The following DLG2 variants were observed in gnomAD, a reference collection of about 807,000 sequenced individuals.
DLG2 encodes discs large MAGUK scaffold protein 2, also known as disks large homolog 2.
In DLG2, 45 loss-of-function variants were observed where a neutral mutation model predicts 132.5. That is an observed-to-expected ratio of 0.34 (90% CI 0.27 to 0.44). DLG2 has a LOEUF of 0.44. Among genes scored for constraint, DLG2 ranks in the 20% least tolerant of loss-of-function variants. DLG2 has a pLI of 1.00. For missense variants in DLG2, 1,045 were observed against 1,196.9 expected (o/e 0.87, Z 1.87); for synonymous variants, 424 against 419.6 (o/e 1.01, Z -0.13).
chr11:84,300,013 T>C (rs1470278494), intron 7 of DLG2, among the ~76,000 whole-genome samples: 2 of 152,088 alleles, frequency 1.3e-5, no homozygotes, highest in Admixed American at 6.5e-5. Context: ...TAAAATGTTA[T>C]ACAATCAAAA....
intron 6 of DLG2, among the ~76,000 whole-genome samples, chr11:84,776,302 C>G (rs919614512): frequency 3.9e-5 from 6 of 152,066 alleles, no homozygotes; most frequent in Admixed American, 3.9e-4. Context: ...CAGGCACACA[C>G]GACCATGCCT....
chr11:83,914,761 A>G (rs1433695979), intron 15 of DLG2, among the ~76,000 whole-genome samples: 1 of 152,186 alleles, frequency 6.6e-6, no homozygotes, highest in Admixed American at 6.5e-5. Context: ...AACAGGAGAC[A>G]ACAATCTGAA....
intron 22 of DLG2, among the ~76,000 whole-genome samples, chr11:83,477,989 CT>C (rs2092755403): frequency 6.6e-6 from 1 of 152,052 alleles, no homozygotes; most frequent in Non-Finnish European, 1.5e-5. Context: ...CTGAAACTAC[CT>C]CTTATGCTCC....
At chr11:83,535,501 GTC>G (rs1250068565) in intron 20 of DLG2, among the ~76,000 whole-genome samples, 1 of 152,040 alleles carries the variant, frequency 6.6e-6, no homozygotes, top group Non-Finnish European at 1.5e-5. Flanking sequence ...CTTGAGAAAT[GTC>G]TCTGTTAGGA....
chr11:84,167,089 A>G, intron 8 of DLG2: 1 of 499,616 alleles, frequency 2.0e-6, no homozygotes. Context: ...CAGAGGATTG[A>G]CATTTTCATA....
chr11:85,403,486 T>A (rs1022473259), intron 3 of DLG2, among the ~76,000 whole-genome samples: 8 of 151,758 alleles, frequency 5.3e-5, no homozygotes, highest in African/African-American at 1.7e-4. Flanking sequence ...ACTTAAAGTA[T>A]AATAAAAAAA....
chr11:84,419,888 A>G lies in DLG2; in HGVS notation c.519+114682T>C, dbSNP rs76182896. ...TGGCTCTATCAGGCAATACCTTCAC[A>G]TTCTGGAAGAATCAACTACCTCTTT... is the stretch of plus-strand genomic sequence containing the variant. On this transcript the variant is annotated intron_variant, in intron 7 of 27. Transcript: ENST00000376104. 5.1e-3 allele frequency among the ~76,000 whole-genome samples: 782 copies of G among 152,348 alleles called. 8 individuals carry two copies. Among genetic ancestry groups the G allele is most frequent in the African/African-American group, 0.018 (731 of 41,586 alleles).
At chr11:84,121,541 A>ATTTTTTTTTTTTTTTTTTTT (rs869183421) in intron 9 of DLG2, among the ~76,000 whole-genome samples, 4 of 66,670 alleles carry the variant, frequency 6.0e-5, no homozygotes, top group Non-Finnish European at 1.1e-4. Context: ...TTCCTTGCTA[A>ATTTTTTTTTTTTTTTTTTTT]TTTTTTTTTT....
intron 14 of DLG2, among the ~76,000 whole-genome samples, chr11:83,945,848 T>TC (rs2083734264): frequency 1.0e-5 from 1 of 95,534 alleles, no homozygotes; most frequent in Non-Finnish European, 2.4e-5. Context: ...GTGTGTGTTT[T>TC]CTAATGTGCT....
intron 6 of DLG2, among the ~76,000 whole-genome samples, chr11:84,669,163 TG>T (rs1001964617): frequency 6.6e-6 from 1 of 151,874 alleles, no homozygotes; most frequent in Non-Finnish European, 1.5e-5. Flanking sequence ...GCTTGGTGGT[TG>T]GGGGGAATAA....
chr11:85,370,905 T>C (rs1301751696), intron 3 of DLG2, among the ~76,000 whole-genome samples: 1 of 152,186 alleles, frequency 6.6e-6, no homozygotes. Flanking sequence ...TCCAGAATTG[T>C]ATGGGATTTC....
At chr11:83,737,977 C>T (rs1434316801) in intron 18 of DLG2, among the ~76,000 whole-genome samples, 1 of 152,136 alleles carries the variant, frequency 6.6e-6, no homozygotes, top group Non-Finnish European at 1.5e-5. Flanking sequence ...TTGCTCTCCT[C>T]CCTCTCCTCT....
chr11:84,136,360 T>C (rs2154228140), intron 9 of DLG2, among the ~76,000 whole-genome samples: 1 of 152,308 alleles, frequency 6.6e-6, no homozygotes, highest in South Asian at 2.1e-4. Flanking sequence ...TCTTTTGTTT[T>C]CCTATTTTGA....
At chr11:84,069,544 A>T (rs999222654) in intron 10 of DLG2, among the ~76,000 whole-genome samples, 3 of 152,168 alleles carry the variant, frequency 2.0e-5, no homozygotes, top group Non-Finnish European at 4.4e-5. Flanking sequence ...TTCCACATTT[A>T]AAAAATAGGG....
intron 18 of DLG2, among the ~76,000 whole-genome samples, chr11:83,738,755 A>C (rs1318760903): frequency 6.6e-6 from 1 of 152,026 alleles, no homozygotes; most frequent in East Asian, 1.9e-4. Context: ...CTTCCTACAC[A>C]CCTCTCATAT....
At chr11:85,584,877 A>G (rs2078863726) in intron 3 of DLG2, among the ~76,000 whole-genome samples, 1 of 152,032 alleles carries the variant, frequency 6.6e-6, no homozygotes. Context: ...ATTTGTTTTC[A>G]TTCCCTGTAG....
At chr11:84,632,973 C>A (rs2099634604) in intron 6 of DLG2, among the ~76,000 whole-genome samples, 1 of 152,142 alleles carries the variant, frequency 6.6e-6, no homozygotes, top group Admixed American at 6.5e-5. Context: ...TTGAGCAATT[C>A]CATAGCTTTT....
intron 18 of DLG2, among the ~76,000 whole-genome samples, chr11:83,777,406 A>G (rs111569522): frequency 2.0e-5 from 3 of 152,344 alleles, no homozygotes; most frequent in African/African-American, 7.2e-5. Context: ...TTTCCACCCT[A>G]AAGCTGCCAC....
intron 15 of DLG2, among the ~76,000 whole-genome samples, chr11:83,925,847 C>A (rs1009113689): frequency 6.6e-6 from 1 of 152,020 alleles, no homozygotes; most frequent in African/African-American, 2.4e-5. Flanking sequence ...ATATCAAAAG[C>A]TGAAAAACTT....
Sources: gnomAD v4.1 joint callset for allele counts (sites outside exome capture counted in the v4.1 genomes callset) on GRCh38, gnomAD v4.1.1 for gene constraint, MANE v1.5 for transcripts, NCBI Gene and HGNC (gene_info 2026-07-23, HGNC 2026-07-21) for gene names.